KCNH1: variants seen among roughly 807,000 people sequenced by gnomAD.
KCNH1 encodes the protein voltage-gated delayed rectifier potassium channel KCNH1.
A neutral mutation model predicts 69.2 loss-of-function variants in KCNH1; 27 were observed. The ratio of observed to expected loss-of-function variants is 0.39; its 90% CI spans 0.29 to 0.54. KCNH1 has a LOEUF of 0.54. Ranked by LOEUF, KCNH1 falls within the 20% of genes least tolerant of loss-of-function variation. KCNH1 has a pLI of 0.68. For synonymous variants in KCNH1, 456 were observed against 487.7 expected (o/e 0.93, Z 0.86); for missense variants, 798 against 1,261.6 (o/e 0.63, Z 5.57).
At chr1:210,763,977 G>A (rs1007207186) in intron 10 of KCNH1, among the ~76,000 whole-genome samples, 1 of 151,860 alleles carries the variant, frequency 6.6e-6, no homozygotes, top group Non-Finnish European at 1.5e-5. Context: ...AGTACATTAC[G>A]AGGTTACAGT....
intron 1 of KCNH1, among the ~76,000 whole-genome samples, chr1:211,114,798 T>C (rs969769626): frequency 1.3e-5 from 2 of 152,164 alleles, no homozygotes; most frequent in Non-Finnish European, 2.9e-5. Flanking sequence ...AACCTAATTT[T>C]AAGCTAAGCA....
chr1:210,852,222 G>A (rs1685721349), intron 7 of KCNH1, among the ~76,000 whole-genome samples: 1 of 152,156 alleles, frequency 6.6e-6, no homozygotes, highest in South Asian at 2.1e-4. Context: ...CCAGGCTGAC[G>A]GAACATCATA....
intron 7 of KCNH1, among the ~76,000 whole-genome samples, chr1:210,880,261 C>G (rs188736373): frequency 6.6e-6 from 1 of 152,178 alleles, no homozygotes; most frequent in Admixed American, 6.5e-5. Flanking sequence ...TATGGAGAGG[C>G]AAAGGACCCA....
intron 6 of KCNH1, among the ~76,000 whole-genome samples, chr1:210,984,445 C>T (rs576541961): frequency 9.5e-4 from 145 of 152,268 alleles, no homozygotes; most frequent in African/African-American, 2.9e-3. Context: ...TGAGATACGT[C>T]CCATCAATAC....
At chr1:210,922,152 C>A (rs1014266067) in intron 6 of KCNH1, among the ~76,000 whole-genome samples, 4 of 151,770 alleles carry the variant, frequency 2.6e-5, no homozygotes, top group Non-Finnish European at 5.9e-5. Context: ...GAGGCCGAGG[C>A]GGGCAGATCA....
At chr1:210,906,505 A>G (rs1202727776) in intron 7 of KCNH1, among the ~76,000 whole-genome samples, 1 of 152,232 alleles carries the variant, frequency 6.6e-6, no homozygotes, top group African/African-American at 2.4e-5. Context: ...CATTCCACAC[A>G]GTGACCGTCT....
intron 7 of KCNH1, among the ~76,000 whole-genome samples, chr1:210,851,922 C>T (rs1405435462): frequency 6.6e-6 from 1 of 152,230 alleles, no homozygotes; most frequent in African/African-American, 2.4e-5. Flanking sequence ...CTGCCTACTA[C>T]ATGCCAGGAA....
intron 7 of KCNH1, among the ~76,000 whole-genome samples, chr1:210,832,917 T>TATATATATATATATATAC (rs1389330212): frequency 1.9e-4 from 25 of 129,026 alleles, no homozygotes; most frequent in African/African-American, 6.1e-4. Flanking sequence ...CATATATATA[T>TATATATATATATATATAC]ATATACATAT....
intron 10 of KCNH1, among the ~76,000 whole-genome samples, chr1:210,691,447 G>A (rs1036432578): frequency 1.3e-5 from 2 of 152,188 alleles, no homozygotes; most frequent in East Asian, 1.9e-4. Context: ...GAAACCGAGT[G>A]TAGAAAGAGT....
intron 6 of KCNH1, among the ~76,000 whole-genome samples, chr1:211,002,873 A>C (rs1571569841): frequency 6.6e-6 from 1 of 152,280 alleles, no homozygotes; most frequent in East Asian, 1.9e-4. Flanking sequence ...TTCCGGAGCA[A>C]AGAGAATGTC....
chr1:211,028,916 C>A (rs1689731781), intron 5 of KCNH1, among the ~76,000 whole-genome samples: 1 of 151,998 alleles, frequency 6.6e-6, no homozygotes. Context: ...TTTTGTGAAA[C>A]TAATGTTACC....
chr1:210,948,121 G>A (rs1398933710), intron 6 of KCNH1, among the ~76,000 whole-genome samples: 1 of 151,144 alleles, frequency 6.6e-6, no homozygotes, highest in African/African-American at 2.4e-5. Flanking sequence ...AGGAGGCTGA[G>A]ACGGGAGGAT....
At chr1:211,015,018 C>A (rs566313109) in intron 6 of KCNH1, among the ~76,000 whole-genome samples, 1 of 128,912 alleles carries the variant, frequency 7.8e-6, no homozygotes, top group East Asian at 1.9e-4. Flanking sequence ...TAACAAACAT[C>A]AACCATTCAT....
intron 7 of KCNH1, among the ~76,000 whole-genome samples, chr1:210,856,032 T>C (rs1685827529): frequency 6.6e-6 from 1 of 152,194 alleles, no homozygotes; most frequent in Non-Finnish European, 1.5e-5. Flanking sequence ...ATATGTTACT[T>C]TGTCTCTATC....
chr1:210,862,213 C>T lies in KCNH1; in HGVS notation c.1462+57427G>A, dbSNP rs529857280. On this transcript the variant is annotated intron_variant, in intron 7 of 10. Transcript: ENST00000271751. Reference sequence around the variant, plus strand: ...AGATTTGTGTGCTTCATTGAGCTGGCGCTCCATGGCCTCTTGCAGGGCTGG... The same window carrying T: ...AGATTTGTGTGCTTCATTGAGCTGGTGCTCCATGGCCTCTTGCAGGGCTGG... 2,057 of 1,173,336 alleles carry T rather than the reference C, an allele frequency of 1.8e-3. 18 individuals carry two copies. The highest frequency in any genetic ancestry group is 9.4e-3 in the East Asian group (397 of 42,218). The allele number at this position is 1,173,336 out of a possible 1,614,324, so 72.7% of individuals were successfully genotyped here.
In KCNH1 at chr1:210,746,762, G is replaced by A. The variant is rs1574230101; in HGVS notation, c.2112+28586C>T. ...GGGTTTCACCATGTTGGCCAGGCTG[G>A]TCTTGAACTCCTGACCTCAAGTGAT... On this transcript the variant is annotated intron_variant, in intron 10 of 10. Coordinates refer to ENST00000271751, the MANE Select transcript of KCNH1 (RefSeq NM_172362.3). 2.6e-5 allele frequency among the ~76,000 whole-genome samples: 4 copies of A among 152,162 alleles called. No individual in the cohort carries two copies. In the South Asian group the frequency reaches 8.3e-4, roughly 32 times the overall value.
intron 7 of KCNH1, among the ~76,000 whole-genome samples, chr1:210,862,970 T>G (rs1574303315): frequency 6.6e-6 from 1 of 152,220 alleles, no homozygotes; most frequent in African/African-American, 2.4e-5. Context: ...TAACTGTGAT[T>G]TGCCCATTCT....
At chr1:211,108,426 T>C (rs2102487131) in intron 1 of KCNH1, 1 of 151,418 alleles carries the variant, frequency 6.6e-6, no homozygotes, top group African/African-American at 2.4e-5. Flanking sequence ...ACATACTACA[T>C]AGAGTGAAAT....
At chr1:211,057,088 G>T (rs1013022705) in intron 5 of KCNH1, among the ~76,000 whole-genome samples, 5 of 152,126 alleles carry the variant, frequency 3.3e-5, no homozygotes, top group Non-Finnish European at 5.9e-5. Context: ...TTCAAAGAAA[G>T]AATTCAAAAT....
Sources: allele counts gnomAD v4.1 joint callset (sites outside exome capture counted in the v4.1 genomes callset), GRCh38; gene constraint gnomAD v4.1.1; transcripts MANE v1.5; gene names NCBI Gene and HGNC (gene_info 2026-07-23, HGNC 2026-07-21).